The following ALG9 variants were observed in gnomAD, a reference collection of about 807,000 sequenced individuals.
ALG9 encodes the protein alpha-1,2-mannosyltransferase ALG9.
Under a neutral mutation model 81.8 loss-of-function variants are expected in ALG9, and 55 were observed. The ratio of observed to expected loss-of-function variants is 0.67; its 90% CI spans 0.54 to 0.84. The LOEUF (loss-of-function observed/expected upper bound fraction) is 0.84, where lower values mean the gene tolerates loss of function less well. Ranked by LOEUF, ALG9 falls within the 40% of genes least tolerant of loss-of-function variation. The probability of loss-of-function intolerance (pLI) is 0.00; values close to 1 mark genes in which losing one functional copy is unlikely to be tolerated. For synonymous variants in ALG9, 278 were observed against 274.3 expected (o/e 1.01, Z -0.13); for missense variants, 629 against 745.0 (o/e 0.84, Z 1.81).
At chr11:111,820,625 T>G (rs1952182117) in intron 13 of ALG9, among the ~76,000 whole-genome samples, 8 of 152,174 alleles carry the variant, frequency 5.3e-5, no homozygotes, top group Admixed American at 5.2e-4. Context: ...AACCATAGCA[T>G]TAACTCAAAT....
intron 14 of ALG9, among the ~76,000 whole-genome samples, chr11:111,792,375 G>A (rs1302767676): frequency 2.6e-5 from 4 of 152,232 alleles, no homozygotes; most frequent in Admixed American, 1.3e-4. Flanking sequence ...ATGGACTGCT[G>A]AAGACAGCGA....
intron 8 of ALG9, among the ~76,000 whole-genome samples, chr11:111,850,462 T>C (rs1957588766): frequency 6.6e-6 from 1 of 151,910 alleles, no homozygotes; most frequent in East Asian, 1.9e-4. Flanking sequence ...TCCCAGCACT[T>C]TGGGAAGCTG....
chr11:111,870,280 G>A lies in ALG9; in HGVS notation c.222C>T (p.Leu74=). 1.2e-6 allele frequency: 2 copies of A among 1,611,252 alleles called. No homozygotes were observed. The highest frequency in any genetic ancestry group is 1.7e-6 in the Non-Finnish European group (2 of 1,179,282). ...CLLSARLCAA[L]LSNISDCDET... ...CATCACAGTCAGAGATGTTGCTCAG[G>A]AGAGCAGCACATAACCTTGCTGAAA... The change falls in exon 2 of 15, where the codon CTC becomes CTT. Residue 74 remains leucine, a synonymous_variant. Transcript: ENST00000616540.
chr11:111,839,563 T>C (rs1955879595), intron 10 of ALG9, among the ~76,000 whole-genome samples: 1 of 110,766 alleles, frequency 9.0e-6, no homozygotes, highest in African/African-American at 3.5e-5. Flanking sequence ...CCATCCAGCC[T>C]GGGCGACAGA....
At chr11:111,813,514 A>G (rs1264169088) in intron 13 of ALG9, among the ~76,000 whole-genome samples, 2 of 152,222 alleles carry the variant, frequency 1.3e-5, no homozygotes, top group Non-Finnish European at 2.9e-5. Flanking sequence ...GGGCAGGAAG[A>G]CTGCTTGAGC....
At chr11:111,819,117 G>A (rs1247217947) in intron 13 of ALG9, among the ~76,000 whole-genome samples, 1 of 152,246 alleles carries the variant, frequency 6.6e-6, no homozygotes, top group African/African-American at 2.4e-5. Flanking sequence ...CAGGAGGAAT[G>A]GGTTCAATGG....
downstream of ALG9, among the ~76,000 whole-genome samples, chr11:111,781,018 T>C (rs1172263222): frequency 2.0e-5 from 3 of 152,190 alleles, no homozygotes; most frequent in African/African-American, 7.2e-5. Context: ...AAAGCCTTCT[T>C]AGAAAAAGGA....
At chr11:111,829,968 A>T (rs1954070741) in intron 13 of ALG9, among the ~76,000 whole-genome samples, 1 of 152,248 alleles carries the variant, frequency 6.6e-6, no homozygotes, top group Non-Finnish European at 1.5e-5. Context: ...TTGACAGGAA[A>T]ATAGGTAATG....
At chr11:111,849,857 G>A (rs571433256) in intron 8 of ALG9, 1 of 152,252 alleles carries the variant, frequency 6.6e-6, no homozygotes, top group Non-Finnish European at 1.5e-5. Context: ...ACAGCACAAT[G>A]CATTTTTAAT....
intron 13 of ALG9, among the ~76,000 whole-genome samples, chr11:111,811,597 T>TA (rs1413928265): frequency 6.8e-6 from 1 of 146,268 alleles, no homozygotes; most frequent in African/African-American, 2.5e-5. Flanking sequence ...CATCAACAGA[T>TA]AGATTCATGT....
At chr11:111,852,275 A>G (rs1592294311) in intron 8 of ALG9, among the ~76,000 whole-genome samples, 1 of 152,306 alleles carries the variant, frequency 6.6e-6, no homozygotes, top group Middle Eastern at 3.4e-3. Flanking sequence ...TAATGAAAAA[A>G]CTGCCTCTCT....
At chr11:111,846,677 T>G (rs1555130261) in intron 8 of ALG9, among the ~76,000 whole-genome samples, 1 of 152,140 alleles carries the variant, frequency 6.6e-6, no homozygotes, top group African/African-American at 2.4e-5. Context: ...TGAAGAAGGT[T>G]CAAGTGTCAA....
intron 13 of ALG9, among the ~76,000 whole-genome samples, chr11:111,833,948 C>G (rs955530550): frequency 2.0e-5 from 3 of 152,228 alleles, no homozygotes; most frequent in African/African-American, 2.4e-5. Context: ...AGCTTTCTCT[C>G]AACATCATTA....
At chr11:111,865,606 A>G (rs531444719) in intron 3 of ALG9, among the ~76,000 whole-genome samples, 1 of 152,278 alleles carries the variant, frequency 6.6e-6, no homozygotes. Flanking sequence ...TATGTTTACA[A>G]AGATAGTGAA....
intron 14 of ALG9, among the ~76,000 whole-genome samples, chr11:111,789,833 C>A (rs1947119483): frequency 6.8e-6 from 1 of 147,538 alleles, no homozygotes; most frequent in Non-Finnish European, 1.5e-5. Context: ...AAAAAAAAAA[C>A]TTAAAAATAT....
chr11:111,773,181 G>A, the ALG9 span, among the ~76,000 whole-genome samples: 1 of 152,110 alleles, frequency 6.6e-6, no homozygotes, highest in African/African-American at 2.4e-5. Flanking sequence ...TGTTCAAGGT[G>A]TACAGGCCCC....
intron 13 of ALG9, among the ~76,000 whole-genome samples, chr11:111,825,763 T>C (rs782658947): frequency 1.2e-4 from 18 of 152,190 alleles, no homozygotes; most frequent in Admixed American, 7.2e-4. Context: ...AAATAATATA[T>C]ACAGCCGGGC....
intron 13 of ALG9, among the ~76,000 whole-genome samples, chr11:111,830,397 T>A (rs1954142228): frequency 6.6e-6 from 1 of 152,224 alleles, no homozygotes. Flanking sequence ...GTTGATTGAA[T>A]CTTTAAACTC....
At chr11:111,824,743 TCA>T (rs1332624620) in intron 13 of ALG9, among the ~76,000 whole-genome samples, 2 of 152,204 alleles carry the variant, frequency 1.3e-5, no homozygotes, top group African/African-American at 2.4e-5. Flanking sequence ...GCAAACCTTT[TCA>T]CAGTTATTTT....
Sources: allele counts gnomAD v4.1 joint callset (sites outside exome capture counted in the v4.1 genomes callset), GRCh38; gene constraint gnomAD v4.1.1; transcripts MANE v1.5; gene names NCBI Gene and HGNC (gene_info 2026-07-23, HGNC 2026-07-21).